ORC4: variants seen among roughly 807,000 people sequenced by gnomAD.
ORC4 encodes origin recognition complex, subunit 4 homolog.
In ORC4, 55 loss-of-function variants were observed where a neutral mutation model predicts 63.9. That is an observed-to-expected ratio of 0.86 (90% CI 0.69 to 1.08). The LOEUF (loss-of-function observed/expected upper bound fraction) is 1.08, where lower values mean the gene tolerates loss of function less well. Ranked by LOEUF, ORC4 falls within the 50% of genes least tolerant of loss-of-function variation. The pLI, the probability that ORC4 is intolerant of heterozygous loss-of-function variation, is 0.00. For synonymous variants in ORC4, 150 were observed against 168.5 expected, an observed-to-expected ratio of 0.89 and a Z score of 0.85; for missense variants, 511 against 504.4, an observed-to-expected ratio of 1.01 and a Z score of -0.13.
At chr2:147,939,311 C>A in intron 10 of ORC4, 63 bp from the exon 11 acceptor site, 2 of 979,116 alleles carry the variant, frequency 2.0e-6, no homozygotes, top group Non-Finnish European at 3.3e-6. Context: ...AGATACTGTG[C>A]AAAACTTCTG....
At chr2:148,002,183 T>G (rs1256981032) in intron 1 of ORC4, among the ~76,000 whole-genome samples, 1 of 152,188 alleles carries the variant, frequency 6.6e-6, no homozygotes, top group Non-Finnish European at 1.5e-5. Context: ...AACACCCCAC[T>G]GTCAATATTA....
intron 1 of ORC4, among the ~76,000 whole-genome samples, chr2:147,996,806 G>GA (rs913445911): frequency 3.3e-5 from 5 of 152,292 alleles, no homozygotes; most frequent in African/African-American, 1.2e-4. Context: ...ATGGCTCATG[G>GA]AAAAGCAAAA....
At chr2:147,940,981 C>A (rs761128349) in intron 10 of ORC4, among the ~76,000 whole-genome samples, 7 of 152,080 alleles carry the variant, frequency 4.6e-5, no homozygotes, top group Non-Finnish European at 8.8e-5. Flanking sequence ...TATGTCTATA[C>A]TATTAGGTTG....
intron 1 of ORC4, among the ~76,000 whole-genome samples, chr2:148,000,759 G>A (rs958184508): frequency 2.6e-5 from 4 of 152,044 alleles, no homozygotes; most frequent in African/African-American, 9.7e-5. Context: ...ATATGGAAAG[G>A]CTGTTTTGAC....
intron 4 of ORC4, among the ~76,000 whole-genome samples, chr2:147,972,520 A>G (rs1465370311): frequency 6.6e-6 from 1 of 152,086 alleles, no homozygotes; most frequent in Non-Finnish European, 1.5e-5. Flanking sequence ...AATAAGGGGG[A>G]AAAAGGTCTG....
At chr2:147,989,883 A>T (rs923338353) in intron 1 of ORC4, among the ~76,000 whole-genome samples, 1 of 152,212 alleles carries the variant, frequency 6.6e-6, no homozygotes, top group African/African-American at 2.4e-5. Context: ...GGATGAGACT[A>T]GAAAATATAA....
chr2:147,974,716 A>T (rs1690434883), intron 2 of ORC4, among the ~76,000 whole-genome samples: 1 of 151,944 alleles, frequency 6.6e-6, no homozygotes, highest in South Asian at 2.1e-4. Flanking sequence ...ATCTGTAAAA[A>T]TACATAAAAG....
At chr2:148,018,572 A>G (rs1156466031) in intron 1 of ORC4, among the ~76,000 whole-genome samples, 2 of 134,138 alleles carry the variant, frequency 1.5e-5, no homozygotes, top group Admixed American at 1.6e-4. Flanking sequence ...GACTTTTTAT[A>G]CTATACTTAT....
At chr2:147,940,098 G>C (rs1688278634) in intron 10 of ORC4, among the ~76,000 whole-genome samples, 1 of 152,056 alleles carries the variant, frequency 6.6e-6, no homozygotes, top group South Asian at 2.1e-4. Context: ...TTCTCCTACT[G>C]GTTGGGACCT....
chr2:147,961,656 G>C (rs1689597823), intron 4 of ORC4, among the ~76,000 whole-genome samples: 1 of 152,058 alleles, frequency 6.6e-6, no homozygotes, highest in Admixed American at 6.5e-5. Context: ...TATCAAAATG[G>C]AATGCCATGC....
chr2:147,950,451 A>G (rs1237450854), intron 8 of ORC4, among the ~76,000 whole-genome samples: 1 of 152,180 alleles, frequency 6.6e-6, no homozygotes, highest in Non-Finnish European at 1.5e-5. Context: ...TTCTCTCCCT[A>G]TAAACGTGGA....
chr2:147,937,920 G>A (rs1558827222), intron 13 of ORC4: 1 of 584,412 alleles, frequency 1.7e-6, no homozygotes, highest in East Asian at 2.9e-5. Flanking sequence ...CGGGATGCAA[G>A]TGCTCTGAAG....
At chr2:147,947,144 T>TAAAA (rs1688702856) in intron 9 of ORC4, among the ~76,000 whole-genome samples, 2 of 151,980 alleles carry the variant, frequency 1.3e-5, no homozygotes, top group Non-Finnish European at 2.9e-5. Context: ...AAATGATCCT[T>TAAAA]TTTATAGAGT....
At chr2:147,944,995 A>G (rs1166637731) in intron 9 of ORC4, among the ~76,000 whole-genome samples, 1 of 152,060 alleles carries the variant, frequency 6.6e-6, no homozygotes, top group Non-Finnish European at 1.5e-5. Context: ...AAAACAAAGT[A>G]ATACCTTTTG....
At position 147,934,114 on chromosome 2, in the gene ORC4, T is replaced by A. The variant is rs1413692247; in HGVS notation, c.*1396A>T. On this transcript the variant is annotated 3_prime_UTR_variant, in exon 14 of 14. Coordinates refer to ENST00000392857, the MANE Select transcript of ORC4 (RefSeq NM_181741.4). The stretch of plus-strand genomic sequence containing the variant: ...GCTTTGGTGCTAAACTGAGTTGAAT[T>A]CCAAGCCTGTTGGCCATTCCCAGCA... 6.6e-6 allele frequency: 1 copy of A among 152,190 alleles called. No homozygotes were observed. Among genetic ancestry groups the A allele is most frequent in the Non-Finnish European group, 1.5e-5 (1 of 68,044 alleles). 9.4% of individuals were successfully genotyped at this position (152,190 alleles called of 1,614,324 possible).
chr2:147,938,053 G>A, intron 13 of ORC4, 93 bp downstream of exon 13: 1 of 839,756 alleles, frequency 1.2e-6, no homozygotes, highest in Non-Finnish European at 2.0e-6. Context: ...AATACTTAAT[G>A]TTTAAAAATG....
At chr2:148,011,567 G>A (rs1025093894) in intron 1 of ORC4, among the ~76,000 whole-genome samples, 1 of 152,168 alleles carries the variant, frequency 6.6e-6, no homozygotes, top group African/African-American at 2.4e-5. Context: ...CTAGAAGAAG[G>A]ATGGGCACTT....
chr2:148,005,535 A>G (rs1157087068), intron 1 of ORC4, among the ~76,000 whole-genome samples: 3 of 152,032 alleles, frequency 2.0e-5, no homozygotes, highest in Admixed American at 2.0e-4. Flanking sequence ...AATTATAATA[A>G]AAAAGAAAAA....
At chr2:147,978,684 T>A (rs770197190) in intron 1 of ORC4, among the ~76,000 whole-genome samples, 1 of 152,186 alleles carries the variant, frequency 6.6e-6, no homozygotes, top group African/African-American at 2.4e-5. Context: ...CAGGCCAATA[T>A]CCTTGATGAA....
Sources: gnomAD v4.1 joint callset for allele counts (sites outside exome capture counted in the v4.1 genomes callset) on GRCh38, gnomAD v4.1.1 for gene constraint, MANE v1.5 for transcripts, NCBI Gene and HGNC (gene_info 2026-07-23, HGNC 2026-07-21) for gene names.